Variants in PLD1 observed in about 807,000 individuals in gnomAD.
PLD1 encodes the protein phospholipase D1.
In PLD1, 112 loss-of-function variants were observed where a neutral mutation model predicts 137.1. The observed-to-expected ratio is 0.82, with a 90% confidence interval of 0.70 to 0.96. The LOEUF (loss-of-function observed/expected upper bound fraction) is 0.96. Ranked by LOEUF, PLD1 falls within the 40% of genes least tolerant of loss-of-function variation. The pLI, the probability that PLD1 is intolerant of heterozygous loss-of-function variation, is 0.00. For synonymous variants in PLD1, 431 were observed against 454.7 expected, an observed-to-expected ratio of 0.95 and a Z score of 0.66; for missense variants, 1,321 against 1,342.0, an observed-to-expected ratio of 0.98 and a Z score of 0.24.
At chr3:171,765,850 A>G (rs1001359179) in intron 1 of PLD1, among the ~76,000 whole-genome samples, 8 of 152,294 alleles carry the variant, frequency 5.3e-5, no homozygotes, top group South Asian at 2.1e-4. Context: ...CATATTGAAA[A>G]TCTCTCAAAG....
intron 8 of PLD1, among the ~76,000 whole-genome samples, chr3:171,720,023 T>C (rs1312895737): frequency 2.6e-5 from 4 of 152,128 alleles, no homozygotes; most frequent in Non-Finnish European, 5.9e-5. Flanking sequence ...GGCCAGGTGC[T>C]GTGCCTCCCG....
chr3:171,790,982 G>T (rs1296482987), intron 1 of PLD1, among the ~76,000 whole-genome samples: 1 of 152,212 alleles, frequency 6.6e-6, no homozygotes, highest in Non-Finnish European at 1.5e-5. Context: ...AGGAATAGCT[G>T]TATTTAATTT....
At chr3:171,763,576 A>T (rs1474889560) in intron 1 of PLD1, among the ~76,000 whole-genome samples, 3 of 148,518 alleles carry the variant, frequency 2.0e-5, no homozygotes, top group East Asian at 4.1e-4. Flanking sequence ...CGAGGAGAAA[A>T]AAGGAGAAAA....
intron 1 of PLD1, among the ~76,000 whole-genome samples, chr3:171,746,824 C>T (rs533918619): frequency 2.6e-5 from 4 of 152,314 alleles, no homozygotes; most frequent in African/African-American, 9.6e-5. Context: ...CCAGATAAGG[C>T]AATAAAAGCA....
intron 21 of PLD1, among the ~76,000 whole-genome samples, chr3:171,645,883 CAAAAA>C (rs1162718346): frequency 1.7e-5 from 1 of 59,204 alleles, no homozygotes. Context: ...GACTCCATCT[CAAAAA>C]AAAAAAAAAA....
chr3:171,646,658 T>C (rs1211101425), intron 21 of PLD1, among the ~76,000 whole-genome samples: 1 of 121,860 alleles, frequency 8.2e-6, no homozygotes, highest in African/African-American at 3.3e-5. Context: ...GTGAGCAGGA[T>C]AGCGAAAAAG....
intron 11 of PLD1, among the ~76,000 whole-genome samples, chr3:171,706,123 AG>A (rs764072176): frequency 0.01 from 1,294 of 127,752 alleles, 15 homozygotes; most frequent in East Asian, 0.048. Flanking sequence ...CGGGTCAGTC[AG>A]TCTATCTATC....
intron 1 of PLD1, among the ~76,000 whole-genome samples, chr3:171,753,309 A>T (rs917175794): frequency 6.6e-6 from 1 of 152,252 alleles, no homozygotes; most frequent in African/African-American, 2.4e-5. Context: ...GGTCAGAAGC[A>T]CATGGGTTGC....
chr3:171,746,953 C>T (rs1720255815), intron 1 of PLD1, among the ~76,000 whole-genome samples: 1 of 152,192 alleles, frequency 6.6e-6, no homozygotes, highest in East Asian at 1.9e-4. Context: ...GTCTGCACTG[C>T]TTTTATTAGC....
intron 1 of PLD1, chr3:171,793,753 C>T (rs1723312460): frequency 6.6e-6 from 1 of 151,716 alleles, no homozygotes; most frequent in African/African-American, 2.4e-5. Flanking sequence ...CAATTTATAA[C>T]ATGAATTGTT....
rs1242920671 is a variant in PLD1, at chr3:171,642,865, G to A, written c.2568C>T (p.Ser856=). 5.7e-6 allele frequency: 9 copies of A among 1,589,160 alleles called. No individual in the cohort carries two copies. The African/African-American group carries it at 1.1e-4, about 19-fold the overall frequency. The change falls in exon 23 of 27, where the codon TCC becomes TCT. Residue 856 remains serine, a synonymous_variant. Coordinates refer to ENST00000351298, the MANE Select transcript of PLD1 (RefSeq NM_002662.5). ...NYRTMCRGEN[S]ILGQLKAELG... The stretch of plus-strand genomic sequence containing the variant: ...GCTCTGCTTTTAACTGTCCAAGGAT[G>A]GAATTTTCTCCTCTGCACATGGTTC...
chr3:171,668,185 G>C (rs954775465), intron 19 of PLD1, among the ~76,000 whole-genome samples: 3 of 152,348 alleles, frequency 2.0e-5, no homozygotes, highest in Middle Eastern at 3.4e-3. Flanking sequence ...ACAGTGCCAA[G>C]CACACAGCAA....
chr3:171,758,669 T>C (rs548039028), intron 1 of PLD1, among the ~76,000 whole-genome samples: 7 of 152,332 alleles, frequency 4.6e-5, no homozygotes, highest in African/African-American at 1.7e-4. Context: ...AACACTTCCT[T>C]CATGATAGGA....
intron 6 of PLD1, among the ~76,000 whole-genome samples, chr3:171,728,543 G>A (rs763437126): frequency 1.3e-5 from 2 of 152,160 alleles, no homozygotes; most frequent in Non-Finnish European, 2.9e-5. Flanking sequence ...GACAAATAAT[G>A]TCAGTCCTAG....
chr3:171,735,554 T>A lies in PLD1; in HGVS notation c.372A>T (p.Gln124His), dbSNP rs1392335676. The A allele has an allele frequency of 6.2e-7, 1 of 1,606,598 alleles. No individual in the cohort carries two copies. The highest frequency in any genetic ancestry group is 2.2e-5 in the East Asian group (1 of 44,872). ...ACTTGAGCAGCTCTCTGTGAAATTC[T>A]TGAAAATGCTTGAATTTCCTCTTAA... ...WQVKRKFKHF[Q>H]EFHRELLKYK... Residue 124 changes from glutamine to histidine, a missense_variant, in exon 4 of 27, where the codon CAA becomes CAT. Transcript: ENST00000351298.
At chr3:171,683,761 T>C (rs1335956611) in intron 16 of PLD1, among the ~76,000 whole-genome samples, 3 of 152,226 alleles carry the variant, frequency 2.0e-5, no homozygotes, top group Admixed American at 2.0e-4. Flanking sequence ...AACTAGTTAA[T>C]TGCACTTCAT....
chr3:171,807,454 C>T lies in PLD1; in HGVS notation c.-32+2945G>A, dbSNP rs150845291. ...GAGTCTTGTGGATGGATGGTGGTGA[C>T]GGTAGCACAACGATGTGAATGTATT... On this transcript the variant is annotated intron_variant, in intron 1 of 26. Coordinates refer to ENST00000351298, the MANE Select transcript of PLD1 (RefSeq NM_002662.5). 3.9e-5 allele frequency among the ~76,000 whole-genome samples: 6 copies of T among 152,174 alleles called. No homozygotes were observed. The East Asian group carries it at 7.7e-4, about 20-fold the overall frequency.
intron 1 of PLD1, among the ~76,000 whole-genome samples, chr3:171,806,728 C>A (rs1723861956): frequency 6.6e-6 from 1 of 152,190 alleles, no homozygotes; most frequent in Admixed American, 6.5e-5. Context: ...AAAGGCAACA[C>A]TACCTGAGCT....
intron 1 of PLD1, chr3:171,791,836 G>C (rs4321552): frequency 0.38 from 58,251 of 151,790 alleles, 11,354 homozygotes; most frequent in Middle Eastern, 0.54. Flanking sequence ...ACCCTGAAAA[G>C]ATAAACTTGG....
Sources: allele counts gnomAD v4.1 joint callset (sites outside exome capture counted in the v4.1 genomes callset), GRCh38; gene constraint gnomAD v4.1.1; transcripts MANE v1.5; gene names NCBI Gene and HGNC (gene_info 2026-07-23, HGNC 2026-07-21).